Variants in SLC6A19 observed in about 807,000 individuals in gnomAD.
The protein encoded by SLC6A19 is sodium-dependent neutral amino acid transporter B(0)AT1.
A neutral mutation model predicts 68.3 loss-of-function variants in SLC6A19; 67 were observed. The ratio of observed to expected loss-of-function variants is 0.98; its 90% confidence interval spans 0.81 to 1.20. The LOEUF is 1.20. Ranked by LOEUF, SLC6A19 falls within the 50% of genes most tolerant of loss-of-function variation. SLC6A19 has a pLI of 0.00. For synonymous variants in SLC6A19, 392 were observed against 374.9 expected, an observed-to-expected ratio of 1.05 and a Z score of -0.53; for missense variants, 813 against 851.6, an observed-to-expected ratio of 0.95 and a Z score of 0.56.
rs1481088843 is a variant in SLC6A19, at chr5:1,208,837, G to A, written c.294G>A (p.Arg98=). The change falls in exon 2 of 12, where the codon CGG becomes CGA. Residue 98 remains arginine (R), a synonymous_variant. Coordinates refer to ENST00000304460, the MANE Select transcript of SLC6A19 (RefSeq NM_001003841.3). ...LEFAIGQRLR[R]GSLGVWSSIH... is the part of the protein sequence containing the mutation. Reference sequence around the variant, plus strand: ...TCGCCATCGGGCAGCGGCTGCGGCGGGGCAGCCTGGGTGTGTGGAGCTCCA... The same window carrying A: ...TCGCCATCGGGCAGCGGCTGCGGCGAGGCAGCCTGGGTGTGTGGAGCTCCA... The A allele has an allele frequency of 6.2e-7, 1 of 1,613,062 alleles. No individual in the cohort carries two copies. Among genetic ancestry groups the A allele is most frequent in the Admixed American group, 1.7e-5 (1 of 60,024 alleles).
At position 1,212,445 on chromosome 5, in the gene SLC6A19, G is replaced by A; in HGVS notation, c.624G>A (p.Leu208=). Residue 208 remains leucine, a synonymous_variant, in exon 4 of 12, where the codon CTG becomes CTA. Transcript: ENST00000304460. The surrounding 1 kb of genome is among the most constrained non-coding windows in gnomAD (Gnocchi z 5.1). ...GCCTGGCCTGCGCATGGAGCGTCCT[G>A]TACATGTGCACCATCCGCGGCATCG... ...LLCLACAWSV[L]YMCTIRGIET... is the part of the protein sequence containing the mutation. 1 of 1,611,164 alleles carries A rather than the reference G, an allele frequency of 6.2e-7. No individual in the cohort carries two copies. The highest frequency in any genetic ancestry group is 1.7e-5 in the Admixed American group (1 of 60,012).
In SLC6A19 at chr5:1,215,279, C is replaced by T. The variant is rs1177473312; in HGVS notation, c.887+1214C>T. On this transcript the variant is annotated intron_variant, in intron 6 of 11. Transcript: ENST00000304460. The surrounding 1 kb of genome is among the most constrained non-coding windows in gnomAD (Gnocchi z 5.1). ...GATCATTTGAATACCACACAACTCCCCCATTTGGAATGCCCAGTTCAATGG... is the reference window on the plus strand; with the variant it reads ...GATCATTTGAATACCACACAACTCCTCCATTTGGAATGCCCAGTTCAATGG... Among the ~76,000 whole-genome samples the T allele has an allele frequency of 1.3e-5, 2 of 152,280 alleles. No homozygotes were observed. The highest frequency in any genetic ancestry group is 1.3e-4 in the Admixed American group (2 of 15,306).
chr5:1,219,001 C>CT lies in SLC6A19; in HGVS notation c.1274dup (p.Cys426LeufsTer91). 6.2e-7 allele frequency: 1 copy of CT among 1,614,146 alleles called. No individual in the cohort carries two copies. The highest frequency in any genetic ancestry group is 1.1e-5 in the South Asian group (1 of 91,090). On this transcript the variant is annotated frameshift_variant, in exon 9 of 12. Transcript: ENST00000304460. LOFTEE classifies it high-confidence loss of function. The stretch of plus-strand genomic sequence containing the variant: ...GGTCTGTGCTCTTCTTCATTATGCT[C>CT]TTCTGCCTGGGGCTGTCATCTATGT...
chr5:1,212,365 A>G lies in SLC6A19; in HGVS notation c.544A>G (p.Asn182Asp). 6.2e-7 allele frequency: 1 copy of G among 1,613,570 alleles called. No homozygotes were observed. The highest frequency in any genetic ancestry group is 8.5e-7 in the Non-Finnish European group (1 of 1,179,948). ...CTACTTCTGGTACCGAGAGACGCTC[A>G]ACATCTCCACGTCCATCAGCGACTC... is the stretch of plus-strand genomic sequence containing the variant. ...VDYFWYRETL[N>D]ISTSISDSGS... Residue 182 changes from asparagine to aspartate, a missense_variant, in exon 4 of 12, where the codon AAC becomes GAC. Asn to Asp is a conservative substitution (Grantham distance 23). Transcript: ENST00000304460. This position sits in a 1 kb window ranked among gnomAD's most constrained non-coding sequence, Gnocchi z 5.1.
At position 1,212,651 on chromosome 5, in the gene SLC6A19, C is replaced by A. The variant is rs1302146032; in HGVS notation, c.663+167C>A. On this transcript the variant is annotated intron_variant, in intron 4 of 11. Coordinates refer to ENST00000304460, the MANE Select transcript of SLC6A19 (RefSeq NM_001003841.3). The surrounding 1 kb of genome is among the most constrained non-coding windows in gnomAD (Gnocchi z 5.1). ...TTGCCCTTAGGCTCACTGGCCTGGG[C>A]GGGAGGGGCCCTGCCTGCCCCAGGT... Among the ~76,000 whole-genome samples, 1 of 152,064 alleles carries A rather than the reference C, an allele frequency of 6.6e-6. No homozygotes were observed. Among genetic ancestry groups the A allele is most frequent in the East Asian group, 1.9e-4 (1 of 5,170 alleles).
chr5:1,206,440 C>G lies in SLC6A19; in HGVS notation c.203-2306C>G, dbSNP rs538354292. Among the ~76,000 whole-genome samples, 268 of 125,570 alleles carry G rather than the reference C, an allele frequency of 2.1e-3. 1 individual carries two copies. The highest frequency in any genetic ancestry group is 5.9e-3 in the African/African-American group (234 of 39,594). 82.4% of individuals were successfully genotyped at this position (125,570 alleles called of 152,430 possible). A position where few individuals can be genotyped will look rare whatever the true frequency, so the allele number is the denominator to read the frequency against. Reference sequence around the variant, plus strand: ...TGTGTCACTGTCTCTGTGTGTGTCTCTGTCTCTCACACATGTGCTGTGCCA... The same window carrying G: ...TGTGTCACTGTCTCTGTGTGTGTCTGTGTCTCTCACACATGTGCTGTGCCA... On this transcript the variant is annotated intron_variant, in intron 1 of 11. Coordinates refer to ENST00000304460, the MANE Select transcript of SLC6A19 (RefSeq NM_001003841.3).
At chr5:1,205,906 C>T (rs1745838679) in intron 1 of SLC6A19, among the ~76,000 whole-genome samples, 1 of 152,220 alleles carries the variant, frequency 6.6e-6, no homozygotes, top group South Asian at 2.1e-4. Context: ...CTGCACCTGG[C>T]TACCATTCCC....
At chr5:1,213,420 C>T (rs768592667) in intron 4 of SLC6A19, 43 bp from the exon 5 acceptor site, 3 of 822,440 alleles carry the variant, frequency 3.6e-6, no homozygotes, top group Non-Finnish European at 3.5e-6. Flanking sequence ...GCATGCCTGG[C>T]CCCCCAACTT....
In SLC6A19 at chr5:1,208,224, G is replaced by T. The variant is rs559326797; in HGVS notation, c.203-522G>T. ...TTCCCCACTGAGGCCACACACGATT[G>T]CCAGGAAACAGCCTCTCCCCACAGG... is the stretch of plus-strand genomic sequence containing the variant. On this transcript the variant is annotated intron_variant, in intron 1 of 11. Transcript: ENST00000304460. Among the ~76,000 whole-genome samples the T allele has an allele frequency of 4.6e-5, 7 of 152,236 alleles. No homozygotes were observed. The East Asian group carries it at 1.4e-3, about 29-fold the overall frequency.
In SLC6A19 at chr5:1,201,769, A is replaced by G. The variant is rs1369938743; in HGVS notation, c.119A>G (p.Gln40Arg). The change falls in exon 1 of 12, where the codon CAG becomes CGG. Residue 40 changes from glutamine (Q) to arginine (R), a missense_variant. Coordinates refer to ENST00000304460, the MANE Select transcript of SLC6A19 (RefSeq NM_001003841.3). ...SSRPKWDNKAQYMLTCLGFCV... is the reference protein window; with the variant it reads ...SSRPKWDNKARYMLTCLGFCV... ...CGGCCGAAGTGGGACAACAAGGCGCAGTACATGCTCACCTGCCTGGGCTTC... is the reference window on the plus strand; with the variant it reads ...CGGCCGAAGTGGGACAACAAGGCGCGGTACATGCTCACCTGCCTGGGCTTC... The G allele has an allele frequency of 6.2e-7, 1 of 1,612,816 alleles. No individual in the cohort carries two copies.
rs1212307114 is a variant in SLC6A19 at position 1,224,430 on chromosome 5, A to G, written c.*2526A>G. The G allele has an allele frequency of 1.3e-5, 2 of 152,300 alleles. No homozygotes were observed. Among genetic ancestry groups the G allele is most frequent in the African/African-American group, 2.4e-5 (1 of 41,474 alleles). The allele number at this position is 152,300 out of a possible 1,614,324, so 9.4% of individuals were successfully genotyped here. On this transcript the variant is annotated 3_prime_UTR_variant, in exon 12 of 12. Transcript: ENST00000304460. Reference sequence around the variant, plus strand: ...CCAGACGTAGAGGGATGAGTGAGCCAGTGACCTCAGACGGGATGGTGGGGA... The same window carrying G: ...CCAGACGTAGAGGGATGAGTGAGCCGGTGACCTCAGACGGGATGGTGGGGA...
Position 1,216,705 on chromosome 5 carries a change from A to T in SLC6A19, c.1016+19A>T. 1 of 1,613,700 alleles carries T rather than the reference A, an allele frequency of 6.2e-7. No individual in the cohort carries two copies. The highest frequency in any genetic ancestry group is 8.5e-7 in the Non-Finnish European group (1 of 1,180,026). On this transcript the variant is annotated intron_variant, in intron 7 of 11. Transcript: ENST00000304460. ...TCAGCACGTGAGTGGCTGTCCCACC[A>T]TCCTGGTGCCTTGGGCTGCGCCTCC... is the stretch of plus-strand genomic sequence containing the variant.
intron 5 of SLC6A19, 66 bp from the exon 6 acceptor site, chr5:1,213,885 GCA>G: frequency 6.3e-7 from 1 of 1,574,848 alleles, no homozygotes. Flanking sequence ...CTCCCTGGGA[GCA>G]CACCCTCCCA....
intron 1 of SLC6A19, among the ~76,000 whole-genome samples, chr5:1,204,658 GC>G (rs571745705): frequency 0.023 from 3,088 of 133,964 alleles, 45 homozygotes; most frequent in Non-Finnish European, 0.042. Flanking sequence ...CCCACAGCTG[GC>G]CCCTCAGGGG....
In SLC6A19 at chr5:1,222,446, CTG is replaced by C. The variant is rs1050255807; in HGVS notation, c.*549_*550del. 712 of 435,768 alleles carry C rather than the reference CTG, an allele frequency of 1.6e-3. 1 individual carries two copies. The highest frequency in any genetic ancestry group is 0.012 in the African/African-American group (619 of 50,700). 27.0% of individuals were successfully genotyped at this position (435,768 alleles called of 1,614,324 possible). On this transcript the variant is annotated 3_prime_UTR_variant, in exon 12 of 12. Coordinates refer to ENST00000304460, the MANE Select transcript of SLC6A19 (RefSeq NM_001003841.3). Reference sequence around the variant, plus strand: ...GCATGCAATTGTGTGTATGTGTGTTCTGTGTGTGCGTTTGCAAGTATATATGC... The same window carrying C: ...GCATGCAATTGTGTGTATGTGTGTTCTGTGTGCGTTTGCAAGTATATATGC...
intron 6 of SLC6A19, among the ~76,000 whole-genome samples, 163 bp from the exon 7 acceptor site, chr5:1,216,395 G>A (rs927561500): frequency 7.9e-5 from 12 of 152,154 alleles, no homozygotes; most frequent in Non-Finnish European, 1.8e-4. Flanking sequence ...CCCTGAGCCT[G>A]CTCGGAGTGG....
intron 8 of SLC6A19, among the ~76,000 whole-genome samples, chr5:1,218,690 C>T (rs954512834): frequency 1.6e-4 from 24 of 152,318 alleles, no homozygotes; most frequent in East Asian, 1.4e-3. Context: ...CTCTGAGTGC[C>T]GCTTGGTGAT....
At chr5:1,213,160 C>T (rs1249122781) in intron 4 of SLC6A19, among the ~76,000 whole-genome samples, 3 of 127,740 alleles carry the variant, frequency 2.3e-5, no homozygotes, top group Non-Finnish European at 1.7e-5. Context: ...GGCCCCCCTC[C>T]GCACCATCCC....
In SLC6A19 at chr5:1,208,906, T is replaced by C; in HGVS notation, c.343+20T>C. On this transcript the variant is annotated intron_variant, in intron 2 of 11. Transcript: ENST00000304460. Reference sequence around the variant, plus strand: ...GCCTAGGTGAGTGCCTCGGAGCAGTTCCACCCGGGCCCAGGGGTCGCCTCT... The same window carrying C: ...GCCTAGGTGAGTGCCTCGGAGCAGTCCCACCCGGGCCCAGGGGTCGCCTCT... 6.2e-7 allele frequency: 1 copy of C among 1,601,342 alleles called. No individual in the cohort carries two copies. Among genetic ancestry groups the C allele is most frequent in the South Asian group, 1.1e-5 (1 of 90,578 alleles).
Sources: gnomAD v4.1 joint callset for allele counts (sites outside exome capture counted in the v4.1 genomes callset) on GRCh38, gnomAD v4.1.1 for gene constraint, Gnocchi (gnomAD v3.1) non-coding constraint, MANE v1.5 for transcripts, NCBI Gene and HGNC (gene_info 2026-07-23, HGNC 2026-07-21) for gene names.